PAPPA2: variants seen among roughly 807,000 people sequenced by gnomAD.
PAPPA2 encodes the protein pappalysin-2.
A neutral mutation model predicts 176.4 loss-of-function variants in PAPPA2; 86 were observed. The ratio of observed to expected loss-of-function variants is 0.49; its 90% CI spans 0.41 to 0.58. The LOEUF is 0.58. PAPPA2 is among the 20% of genes least tolerant of loss of function. PAPPA2 has a pLI of 0.00. For missense variants in PAPPA2, 2,073 were observed against 2,256.9 expected, an observed-to-expected ratio of 0.92 and a Z score of 1.65; for synonymous variants, 809 against 852.2, an observed-to-expected ratio of 0.95 and a Z score of 0.88.
intron 12 of PAPPA2, among the ~76,000 whole-genome samples, chr1:176,727,856 C>A (rs1388901734): frequency 6.6e-6 from 1 of 151,796 alleles, no homozygotes; most frequent in Non-Finnish European, 1.5e-5. Context: ...AAATTAGTAG[C>A]AAGATATCTA....
chr1:176,834,885 C>T (rs1197930069), intron 21 of PAPPA2, among the ~76,000 whole-genome samples: 2 of 152,166 alleles, frequency 1.3e-5, no homozygotes, highest in African/African-American at 4.8e-5. Flanking sequence ...GCAGGAGAAT[C>T]GCTTGAACCT....
chr1:176,699,449 T>G lies in PAPPA2; in HGVS notation c.3096T>G (p.Asp1032Glu). The G allele has an allele frequency of 1.2e-6, 2 of 1,614,136 alleles. No individual in the cohort carries two copies. Among genetic ancestry groups the G allele is most frequent in the Non-Finnish European group, 1.7e-6 (2 of 1,180,012 alleles). The stretch of plus-strand genomic sequence containing the variant: ...CCTTTGATGAGAGGATAGAGATTGA[T>G]GCAGCACTCCTGACTTCTCAGCCCC... ...VYTFDERIEIDAALLTSQPHS... is the reference protein window; with the variant it reads ...VYTFDERIEIEAALLTSQPHS... The change falls in exon 8 of 23, where the codon GAT becomes GAG. Residue 1032 changes from aspartate to glutamate, a missense_variant. This residue lies in a region of PAPPA2 where 1,196 missense variants were observed against 1,330.4 expected (regional missense o/e 0.90). Transcript: ENST00000367662.
intron 3 of PAPPA2, among the ~76,000 whole-genome samples, chr1:176,670,621 A>G (rs1658939432): frequency 6.6e-6 from 1 of 152,234 alleles, no homozygotes; most frequent in Non-Finnish European, 1.5e-5. Flanking sequence ...CTTCTTCACT[A>G]TGGCCTGAGA....
chr1:176,834,812 A>G (rs1667210080), intron 21 of PAPPA2, among the ~76,000 whole-genome samples: 1 of 152,174 alleles, frequency 6.6e-6, no homozygotes, highest in African/African-American at 2.4e-5. Context: ...TCTACTAGAA[A>G]TACAAAAAAT....
chr1:176,703,908 A>G (rs1012670210), intron 9 of PAPPA2, among the ~76,000 whole-genome samples: 4 of 152,190 alleles, frequency 2.6e-5, no homozygotes, highest in African/African-American at 9.7e-5. Context: ...TGCAGAGGAC[A>G]AGTCCACTTG....
At chr1:176,606,315 C>T (rs955832004) in intron 3 of PAPPA2, among the ~76,000 whole-genome samples, 3 of 152,032 alleles carry the variant, frequency 2.0e-5, no homozygotes, top group African/African-American at 4.8e-5. Flanking sequence ...TCTTACACAC[C>T]AGCAAAATGT....
intron 3 of PAPPA2, among the ~76,000 whole-genome samples, chr1:176,641,107 T>A (rs1444891794): frequency 2.7e-5 from 4 of 150,406 alleles, no homozygotes; most frequent in Non-Finnish European, 5.9e-5. Context: ...GTCAGATGAG[T>A]AGGTTGCAAA....
At chr1:176,564,237 A>G (rs773641213) in intron 2 of PAPPA2, among the ~76,000 whole-genome samples, 6 of 152,206 alleles carry the variant, frequency 3.9e-5, no homozygotes, top group Non-Finnish European at 7.3e-5. Flanking sequence ...TATGTGGACC[A>G]TAATTCAAGT....
chr1:176,613,747 A>G (rs1265510341), intron 3 of PAPPA2, among the ~76,000 whole-genome samples: 1 of 152,162 alleles, frequency 6.6e-6, no homozygotes, highest in African/African-American at 2.4e-5. Context: ...GGAAGGAGAA[A>G]AATAAGGAAC....
chr1:176,565,475 G>A lies in PAPPA2; in HGVS notation c.919+8234G>A, dbSNP rs150646171. On this transcript the variant is annotated intron_variant, in intron 2 of 22. Coordinates refer to ENST00000367662, the MANE Select transcript of PAPPA2 (RefSeq NM_020318.3). ...TTTGGGAGGCTGAGGCAGGCAGATC[G>A]CTTGAGACCAGGAGTTCAAGACCAG... Among the ~76,000 whole-genome samples the A allele has an allele frequency of 5.0e-3, 761 of 152,218 alleles. 6 individuals carry two copies. Among genetic ancestry groups the A allele is most frequent in the Admixed American group, 7.2e-3 (110 of 15,292 alleles).
intron 3 of PAPPA2, among the ~76,000 whole-genome samples, chr1:176,637,052 T>C (rs1440896767): frequency 6.6e-6 from 1 of 152,100 alleles, no homozygotes; most frequent in Non-Finnish European, 1.5e-5. Flanking sequence ...TATCTGGATA[T>C]TGAGGAATCA....
rs1232403745 is a variant in PAPPA2 at position 176,623,683 on chromosome 1, TTC to T, written c.1991+28098_1991+28099del. The stretch of plus-strand genomic sequence containing the variant: ...TCTTTCTTTCTTTTTCTTTCTTTCT[TTC>T]TCTCTCTCTTTCCTTTCTTTCTTTT... On this transcript the variant is annotated intron_variant, in intron 3 of 22. Transcript: ENST00000367662. Among the ~76,000 whole-genome samples, 14 of 147,116 alleles carry T rather than the reference TTC, an allele frequency of 9.5e-5. 1 individual carries two copies. The highest frequency in any genetic ancestry group is 1.8e-4 in the African/African-American group (7 of 39,362).
At chr1:176,665,165 G>A (rs1313479451) in intron 3 of PAPPA2, among the ~76,000 whole-genome samples, 7 of 152,074 alleles carry the variant, frequency 4.6e-5, no homozygotes, top group Non-Finnish European at 1.0e-4. Flanking sequence ...TAATGCTGTG[G>A]GCATGAATGA....
intron 21 of PAPPA2, among the ~76,000 whole-genome samples, chr1:176,800,559 AT>A (rs1665640665): frequency 6.6e-6 from 1 of 152,226 alleles, no homozygotes; most frequent in African/African-American, 2.4e-5. Flanking sequence ...TAAAATTCAT[AT>A]GTGCATATAT....
chr1:176,804,784 G>C (rs145782118), intron 21 of PAPPA2, among the ~76,000 whole-genome samples: 1 of 152,088 alleles, frequency 6.6e-6, no homozygotes, highest in Admixed American at 6.6e-5. Flanking sequence ...AATAACTGGG[G>C]CTCAGAAAAC....
chr1:176,587,199 A>C (rs558469149), intron 2 of PAPPA2, among the ~76,000 whole-genome samples: 9 of 152,202 alleles, frequency 5.9e-5, no homozygotes, highest in Non-Finnish European at 7.4e-5. Context: ...GACCTTTGTC[A>C]GATGGATAGA....
intron 3 of PAPPA2, among the ~76,000 whole-genome samples, chr1:176,599,550 A>T: frequency 6.8e-6 from 1 of 146,486 alleles, no homozygotes; most frequent in African/African-American, 2.5e-5. Context: ...CTATCTTTCA[A>T]TGCTTTTATT....
intron 12 of PAPPA2, among the ~76,000 whole-genome samples, chr1:176,734,719 A>G (rs1229702514): frequency 2.0e-5 from 3 of 152,272 alleles, no homozygotes; most frequent in Middle Eastern, 3.4e-3. Flanking sequence ...ACAGATAGCA[A>G]TAGTATTAGG....
Position 176,594,980 on chromosome 1 carries a change from G to A in PAPPA2, c.1376G>A (p.Ser459Asn). ...EEATDLVLTASFEPVNTEWVP... is the reference protein window; with the variant it reads ...EEATDLVLTANFEPVNTEWVP... ...GCGACTGACTTGGTCCTGACAGCGA[G>A]CTTTGAGCCTGTGAACACAGAGTGG... Residue 459 changes from serine to asparagine, a missense_variant, in exon 3 of 23, where the codon AGC becomes AAC. Coordinates refer to ENST00000367662, the MANE Select transcript of PAPPA2 (RefSeq NM_020318.3). 6.2e-7 allele frequency: 1 copy of A among 1,614,220 alleles called. No homozygotes were observed. The highest frequency in any genetic ancestry group is 8.5e-7 in the Non-Finnish European group (1 of 1,180,044).
Sources: allele counts gnomAD v4.1 joint callset (sites outside exome capture counted in the v4.1 genomes callset), GRCh38; gene constraint gnomAD v4.1.1; regional missense constraint gnomAD v4.1.1; transcripts MANE v1.5; gene names NCBI Gene and HGNC (gene_info 2026-07-23, HGNC 2026-07-21).